The following DISC1 variants were observed in gnomAD, a reference collection of about 807,000 sequenced individuals.
The protein encoded by DISC1 is DISC1 scaffold protein, also known as disrupted in schizophrenia 1 protein.
A neutral mutation model predicts 84.5 loss-of-function variants in DISC1; 57 were observed. That is an observed-to-expected ratio of 0.67 (90% CI 0.55 to 0.84). The LOEUF (loss-of-function observed/expected upper bound fraction) is 0.84, where lower values mean the gene tolerates loss of function less well. Ranked by LOEUF, DISC1 falls within the 40% of genes least tolerant of loss-of-function variation. The pLI is 0.00. For missense variants in DISC1, 1,000 were observed against 1,057.8 expected, an observed-to-expected ratio of 0.95 and a Z score of 0.76; for synonymous variants, 411 against 415.2, an observed-to-expected ratio of 0.99 and a Z score of 0.12.
In DISC1 at chr1:231,809,523, T is replaced by TTAAA. The variant is rs1491410470; in HGVS notation, c.1793-8806_1793-8805insTAAA. On this transcript the variant is annotated intron_variant, in intron 8 of 12. Transcript: ENST00000439617. ...TGATACTCCAAAAGCCTTTTTTTTT[T>TTAAA]GAAAAAAAAAAAAAAAGGATGGTTC... is the stretch of plus-strand genomic sequence containing the variant. 8.5e-4 allele frequency among the ~76,000 whole-genome samples: 66 copies of TTAAA among 78,082 alleles called. 1 individual carries two copies. Among genetic ancestry groups the TTAAA allele is most frequent in the Non-Finnish European group, 1.3e-3 (45 of 35,506 alleles). The allele number at this position is 78,082 out of a possible 152,430, so 51.2% of individuals were successfully genotyped here. A position where few individuals can be genotyped will look rare whatever the true frequency, so the allele number is the denominator to read the frequency against.
chr1:232,014,743 C>T (rs1187571742), intron 11 of DISC1, among the ~76,000 whole-genome samples: 1 of 152,164 alleles, frequency 6.6e-6, no homozygotes, highest in East Asian at 1.9e-4. Context: ...GCATCATTAA[C>T]AGTTTCCACT....
At chr1:231,656,159 T>A (rs1024328868) in intron 1 of DISC1, among the ~76,000 whole-genome samples, 8 of 152,138 alleles carry the variant, frequency 5.3e-5, no homozygotes, top group Non-Finnish European at 8.8e-5. Flanking sequence ...ATTCTTTGCC[T>A]AGGCTACTAT....
At chr1:231,889,708 C>CCA (rs1311741841) in intron 9 of DISC1, among the ~76,000 whole-genome samples, 1 of 152,142 alleles carries the variant, frequency 6.6e-6, no homozygotes, top group African/African-American at 2.4e-5. Flanking sequence ...GCTCTTCTTA[C>CCA]CACACATGCT....
intron 8 of DISC1, among the ~76,000 whole-genome samples, chr1:231,816,891 TATTCTTCTTC>T (rs983562364): frequency 1.3e-5 from 2 of 152,216 alleles, no homozygotes; most frequent in African/African-American, 4.8e-5. Flanking sequence ...TCTTTCTTCC[TATTCTTCTTC>T]ATTCTTCTTC....
At chr1:231,913,842 A>G (rs949574891) in intron 9 of DISC1, among the ~76,000 whole-genome samples, 2 of 152,156 alleles carry the variant, frequency 1.3e-5, no homozygotes, top group East Asian at 1.9e-4. Flanking sequence ...AGCCAGCAAC[A>G]TTATTGTCCA....
intron 1 of DISC1, among the ~76,000 whole-genome samples, chr1:231,661,692 C>T (rs2061575971): frequency 6.6e-6 from 1 of 152,172 alleles, no homozygotes; most frequent in East Asian, 1.9e-4. Context: ...TTACAACATG[C>T]TCCTTTTACT....
At chr1:231,736,014 A>G (rs759150622) in intron 3 of DISC1, among the ~76,000 whole-genome samples, 5 of 152,122 alleles carry the variant, frequency 3.3e-5, no homozygotes, top group Admixed American at 6.6e-5. Flanking sequence ...GGGTTTTGCT[A>G]TGTTGCCCAG....
At chr1:231,888,551 C>T (rs1271894871) in intron 9 of DISC1, among the ~76,000 whole-genome samples, 1 of 151,278 alleles carries the variant, frequency 6.6e-6, no homozygotes, top group East Asian at 2.0e-4. Context: ...CTGGCTAACA[C>T]GGTGAAACCC....
intron 10 of DISC1, among the ~76,000 whole-genome samples, chr1:231,985,180 G>A (rs991226663): frequency 6.6e-6 from 1 of 151,828 alleles, no homozygotes; most frequent in African/African-American, 2.4e-5. Flanking sequence ...AAAAATATTA[G>A]CCAGGCATGG....
At chr1:231,647,579 T>C (rs574895172) in intron 1 of DISC1, among the ~76,000 whole-genome samples, 1 of 152,334 alleles carries the variant, frequency 6.6e-6, no homozygotes, top group South Asian at 2.1e-4. Context: ...AAAGTAGTTT[T>C]TTCCAATTCT....
At chr1:231,983,655 G>A (rs1216119870) in intron 10 of DISC1, among the ~76,000 whole-genome samples, 1 of 139,868 alleles carries the variant, frequency 7.1e-6, no homozygotes, top group Non-Finnish European at 1.6e-5. Context: ...GGGAGGGGGT[G>A]GAGGTGGGGT....
intron 3 of DISC1, among the ~76,000 whole-genome samples, chr1:231,728,570 C>T (rs942302558): frequency 1.3e-5 from 2 of 152,210 alleles, no homozygotes; most frequent in African/African-American, 4.8e-5. Flanking sequence ...ATACACTTAA[C>T]CAGTGAAGAG....
chr1:231,950,569 C>G (rs1480255659), intron 9 of DISC1, among the ~76,000 whole-genome samples: 2 of 152,208 alleles, frequency 1.3e-5, no homozygotes, highest in African/African-American at 4.8e-5. Context: ...TAGCTTTTTA[C>G]TGACCTGCTT....
intron 3 of DISC1, among the ~76,000 whole-genome samples, chr1:231,731,448 C>T (rs2071499732): frequency 6.6e-6 from 1 of 152,234 alleles, no homozygotes; most frequent in Non-Finnish European, 1.5e-5. Context: ...TGGAAAGGGG[C>T]AGAAACTCTC....
intron 9 of DISC1, among the ~76,000 whole-genome samples, chr1:231,913,925 C>T (rs114477667): frequency 4.9e-4 from 75 of 152,304 alleles, no homozygotes; most frequent in Admixed American, 1.3e-3. Flanking sequence ...ATTCTGTTTC[C>T]GTGTGAGAGA....
intron 2 of DISC1, among the ~76,000 whole-genome samples, chr1:231,695,168 A>G (rs1300456652): frequency 2.6e-5 from 4 of 152,116 alleles, no homozygotes; most frequent in Admixed American, 2.6e-4. Context: ...AGGACTTGAG[A>G]GATACAAAAA....
intron 9 of DISC1, 189 bp downstream of exon 9, chr1:231,818,706 G>T: frequency 7.0e-7 from 1 of 1,424,978 alleles, no homozygotes; most frequent in Non-Finnish European, 9.1e-7. Context: ...GTCAGCTTTT[G>T]TTTTCATATT....
intron 3 of DISC1, among the ~76,000 whole-genome samples, chr1:231,735,852 GC>G (rs1447220377): frequency 1.3e-5 from 2 of 152,086 alleles, no homozygotes; most frequent in African/African-American, 4.8e-5. Context: ...TGGCTCTGTT[GC>G]CCAGGCTGGA....
intron 9 of DISC1, among the ~76,000 whole-genome samples, chr1:231,957,450 C>T (rs1202189399): frequency 6.6e-6 from 1 of 152,086 alleles, no homozygotes; most frequent in African/African-American, 2.4e-5. Context: ...TCTTTAGCAT[C>T]CCTTGCTGCC....
Sources: allele counts gnomAD v4.1 joint callset (sites outside exome capture counted in the v4.1 genomes callset), GRCh38; gene constraint gnomAD v4.1.1; transcripts MANE v1.5; gene names NCBI Gene and HGNC (gene_info 2026-07-23, HGNC 2026-07-21).